NOTCH3: variants seen among roughly 807,000 people sequenced by gnomAD.
NOTCH3 encodes neurogenic locus notch homolog protein 3.
NOTCH3 carries 86 observed loss-of-function variants against 213.3 expected under a neutral mutation model. The ratio of observed to expected loss-of-function variants is 0.40; its 90% CI spans 0.34 to 0.48. The LOEUF (loss-of-function observed/expected upper bound fraction) is 0.48, where lower values mean the gene tolerates loss of function less well. Ranked by LOEUF, NOTCH3 falls within the 20% of genes least tolerant of loss-of-function variation. The probability of loss-of-function intolerance (pLI) is 0.57; values close to 1 mark genes in which losing one functional copy is unlikely to be tolerated. For synonymous variants in NOTCH3, 1,354 were observed against 1,355.9 expected (o/e 1.00, Z 0.03); for missense variants, 2,783 against 3,272.6 (o/e 0.85, Z 3.65).
chr19:15,169,518 C>T (rs56074500), intron 28 of NOTCH3, among the ~76,000 whole-genome samples: 17,350 of 151,904 alleles, frequency 0.11, 3,029 homozygotes, highest in African/African-American at 0.38. Context: ...TACAGGTGCC[C>T]GCCACCATGC....
intron 24 of NOTCH3, among the ~76,000 whole-genome samples, chr19:15,176,100 C>T (rs528169093): frequency 5.9e-4 from 89 of 151,272 alleles, no homozygotes; most frequent in Non-Finnish European, 8.2e-4. Flanking sequence ...CAGATTCGGC[C>T]CAAGGATGGA....
rs2046621533 is a variant in NOTCH3, at chr19:15,159,364, T to C, written c.*1298A>G. Reference sequence around the variant, plus strand: ...TGGCCACTGATATTTCTAAATCTGATTGTGACCTTAAGAGCTCCACCAACT... The same window carrying C: ...TGGCCACTGATATTTCTAAATCTGACTGTGACCTTAAGAGCTCCACCAACT... On this transcript the variant is annotated 3_prime_UTR_variant, in exon 33 of 33. Coordinates refer to ENST00000263388, the MANE Select transcript of NOTCH3 (RefSeq NM_000435.3). 1.2e-5 allele frequency: 2 copies of C among 167,924 alleles called. No homozygotes were observed. The highest frequency in any genetic ancestry group is 1.3e-5 in the Non-Finnish European group (1 of 77,096). The allele number at this position is 167,924 out of a possible 1,614,324, so 10.4% of individuals were successfully genotyped here.
Position 15,180,746 on chromosome 19 carries a change from G to C in NOTCH3, c.3077C>G (p.Pro1026Arg), listed in dbSNP as rs1318439176. The C allele has an allele frequency of 2.5e-6, 4 of 1,590,644 alleles. No individual in the cohort carries two copies. The highest frequency in any genetic ancestry group is 3.4e-6 in the Non-Finnish European group (4 of 1,169,416). The part of the protein sequence containing the change: ...VQTGAYCLCP[P>R]GWSGRLCDIR... ...GTCACAGAGGCGTCCGCTCCATCCA[G>C]GGGGACAAAGGCAATAGGCCCCAGT... Residue 1026 changes from proline (P) to arginine (R), a missense_variant, in exon 19 of 33, where the codon CCT becomes CGT. Transcript: ENST00000263388.
rs1195721616 is a variant in NOTCH3 at position 15,181,782 on chromosome 19, G to A, written c.2586C>T (p.Gly862=). 6.4e-7 allele frequency: 1 copy of A among 1,561,744 alleles called. No individual in the cohort carries two copies. ...AGGAGCCCACGCCGTCTTGGCACGA[G>A]CCACCGTTCAGGCATGGGTCTGCGG... ...DCDPNPCLNG[G]SCQDGVGSFS... The change falls in exon 17 of 33, where the codon GGC becomes GGT. Residue 862 remains glycine, a synonymous_variant. Transcript: ENST00000263388.
At chr19:15,163,792 C>T (rs1465065237) in intron 31 of NOTCH3, among the ~76,000 whole-genome samples, 2 of 152,142 alleles carry the variant, frequency 1.3e-5, no homozygotes, top group Non-Finnish European at 2.9e-5. Flanking sequence ...AATCATGCCA[C>T]TGCACTCCAG....
At chr19:15,163,386 T>C (rs1188195115) in intron 31 of NOTCH3, among the ~76,000 whole-genome samples, 1 of 152,160 alleles carries the variant, frequency 6.6e-6, no homozygotes, top group Non-Finnish European at 1.5e-5. Flanking sequence ...GAAACCTAAA[T>C]ATATGAGCTC....
At chr19:15,195,326 G>C (rs2046961066) in intron 2 of NOTCH3, among the ~76,000 whole-genome samples, 1 of 152,074 alleles carries the variant, frequency 6.6e-6, no homozygotes, top group Admixed American at 6.5e-5. Flanking sequence ...CCACCAAGGA[G>C]TGTGAGGAAT....
At chr19:15,199,231 CTG>C (rs1426209528) in intron 1 of NOTCH3, among the ~76,000 whole-genome samples, 1 of 152,188 alleles carries the variant, frequency 6.6e-6, no homozygotes, top group East Asian at 1.9e-4. Context: ...GTGAGTCTAT[CTG>C]TACATGCATG....
rs368940282 is a variant in NOTCH3, at chr19:15,193,866, G to A, written c.198-1347C>T. ...TGGGAGACTGAGGTGGGCGGATCAC[G>A]AGGTCAGGAGTTCAAGACCAGCCTG... is the stretch of plus-strand genomic sequence containing the variant. On this transcript the variant is annotated intron_variant, in intron 2 of 32. Coordinates refer to ENST00000263388, the MANE Select transcript of NOTCH3 (RefSeq NM_000435.3). 2.5e-4 allele frequency among the ~76,000 whole-genome samples: 38 copies of A among 151,086 alleles called. No homozygotes were observed. In the East Asian group the frequency reaches 3.7e-3, roughly 15 times the overall value.
chr19:15,180,511 C>T (rs998732974), intron 19 of NOTCH3, among the ~76,000 whole-genome samples, 170 bp downstream of exon 19: 1 of 152,110 alleles, frequency 6.6e-6, no homozygotes, highest in African/African-American at 2.4e-5. Flanking sequence ...GTGACAGACA[C>T]ACACCATCCC....
rs374042078 is a variant in NOTCH3, at chr19:15,174,079, G to T, written c.4725C>A (p.Pro1575=). The part of the protein sequence containing the change: ...SEPRARRELA[P]EVIGSVVMLE... ...GTGGGGTCACTCACCCGATCACCTC[G>T]GGGGCCAGCTCCCGACGGGCCCGGG... The change falls in exon 25 of 33, where the codon CCC becomes CCA. Residue 1575 remains proline (P), a synonymous_variant. Coordinates refer to ENST00000263388, the MANE Select transcript of NOTCH3 (RefSeq NM_000435.3). 126 of 1,580,984 alleles carry T rather than the reference G, an allele frequency of 8.0e-5. No homozygotes were observed. The highest frequency in any genetic ancestry group is 1.9e-4 in the Admixed American group (11 of 58,480).
rs1375757821 is a variant in NOTCH3 at position 15,161,577 on chromosome 19, G to C, written c.6051C>G (p.His2017Gln). ...GATCCAGCAAGCGCACGATGTCCTG[G>C]TGCAGTCTCTCCTGGGCTACGTCCC... ...LPRDVAQERL[H>Q]QDIVRLLDQP... The change falls in exon 33 of 33, where the codon CAC becomes CAG. Residue 2017 changes from histidine (H) to glutamine (Q), a missense_variant. Physicochemically the swap from His to Gln is conservative, Grantham distance 24. Transcript: ENST00000263388. 2.5e-6 allele frequency: 4 copies of C among 1,610,964 alleles called. No individual in the cohort carries two copies. Among genetic ancestry groups the C allele is most frequent in the Non-Finnish European group, 2.5e-6 (3 of 1,178,886 alleles).
chr19:15,199,165 G>C (rs926307858), intron 1 of NOTCH3, among the ~76,000 whole-genome samples: 3 of 152,198 alleles, frequency 2.0e-5, no homozygotes, highest in Admixed American at 6.5e-5. Flanking sequence ...GCACGGGCTT[G>C]TGTGTCTGTA....
intron 24 of NOTCH3, among the ~76,000 whole-genome samples, chr19:15,175,618 C>G (rs1022625607): frequency 9.0e-5 from 13 of 144,726 alleles, no homozygotes; most frequent in Non-Finnish European, 1.5e-5. Flanking sequence ...CACACACGCA[C>G]GCACACACAT....
At chr19:15,184,539 G>A (rs767193300) in intron 15 of NOTCH3, 89 bp from the exon 16 acceptor site, 525 of 1,334,182 alleles carry the variant, frequency 3.9e-4, no homozygotes, top group Non-Finnish European at 3.2e-4. Flanking sequence ...CCTGCAGGCC[G>A]AGATGGGTGA....
chr19:15,187,309 C>T lies in NOTCH3; in HGVS notation c.1636G>A (p.Val546Met), dbSNP rs376606994. 5 of 1,613,786 alleles carry T rather than the reference C, an allele frequency of 3.1e-6. No homozygotes were observed. In the African/African-American group the frequency reaches 4.0e-5, roughly 13 times the overall value. The change falls in exon 11 of 33, where the codon GTG (valine) becomes ATG (methionine). Residue 546 changes from valine to methionine, a missense_variant. Coordinates refer to ENST00000263388, the MANE Select transcript of NOTCH3 (RefSeq NM_000435.3). The stretch of plus-strand genomic sequence containing the variant: ...CATGGGTCAGGGGAGCAGTCGTCCA[C>T]GTTGCGATCACACAGCGTGCCCTCA... ...GFEGTLCDRN[V>M]DDCSPDPCHH...
intron 2 of NOTCH3, among the ~76,000 whole-genome samples, chr19:15,195,345 G>C (rs918620412): frequency 6.6e-6 from 1 of 152,082 alleles, no homozygotes; most frequent in African/African-American, 2.4e-5. Flanking sequence ...ATTGGAACTG[G>C]GAGGGGTTGG....
chr19:15,185,587 G>A lies in NOTCH3; in HGVS notation c.2044C>T (p.Leu682Phe). Residue 682 changes from leucine to phenylalanine, a missense_variant, in exon 13 of 33, where the codon CTC becomes TTC. Physicochemically the swap from Leu to Phe is conservative, Grantham distance 22 (BLOSUM62 0). Coordinates refer to ENST00000263388, the MANE Select transcript of NOTCH3 (RefSeq NM_000435.3). The surrounding 1 kb of genome is among the most constrained non-coding windows in gnomAD (Gnocchi z 4.2). Reference protein sequence around the residue: ...CVDGENGFRCLCPPGSLPPLC... With the variant: ...CVDGENGFRCFCPPGSLPPLC... ...GGGGGCAAGGAGCCAGGCGGGCAGA[G>A]GCAGCGGAAGCCATTTTCCCCATCC... 2 of 1,613,686 alleles carry A rather than the reference G, an allele frequency of 1.2e-6. No homozygotes were observed. The highest frequency in any genetic ancestry group is 1.7e-6 in the Non-Finnish European group (2 of 1,180,026).
rs1333872267 is a variant in NOTCH3 at position 15,181,709 on chromosome 19, C to A, written c.2659G>T (p.Asp887Tyr). ...GGGTTGCTCAGGCACTCATCCACAT[C>A]GCGGGCGCATCGTGGGCCGGCGAAA... ...PGFAGPRCAR[D>Y]VDECLSNPCG... Residue 887 changes from aspartate (D) to tyrosine (Y), a missense_variant, in exon 17 of 33, where the codon GAT becomes TAT. Coordinates refer to ENST00000263388, the MANE Select transcript of NOTCH3 (RefSeq NM_000435.3). 2 of 1,567,414 alleles carry A rather than the reference C, an allele frequency of 1.3e-6. No individual in the cohort carries two copies. Among genetic ancestry groups the A allele is most frequent in the Non-Finnish European group, 1.7e-6 (2 of 1,155,632 alleles).
Sources: gnomAD v4.1 joint callset for allele counts (sites outside exome capture counted in the v4.1 genomes callset) on GRCh38, gnomAD v4.1.1 for gene constraint, Gnocchi (gnomAD v3.1) non-coding constraint, MANE v1.5 for transcripts, NCBI Gene and HGNC (gene_info 2026-07-23, HGNC 2026-07-21) for gene names.